Variants in MEIKIN observed in about 807,000 individuals in gnomAD.
The protein encoded by MEIKIN is meiosis-specific kinetochore protein.
intron 9 of MEIKIN, among the ~76,000 whole-genome samples, chr5:131,860,825 A>C (rs1360661598): frequency 1.6e-5 from 2 of 126,904 alleles, no homozygotes; most frequent in Admixed American, 9.9e-5. Context: ...GCAGTGGCAC[A>C]ATCTTGGCTC....
At chr5:131,846,464 G>A (rs1163847906) in intron 11 of MEIKIN, among the ~76,000 whole-genome samples, 2 of 152,058 alleles carry the variant, frequency 1.3e-5, no homozygotes, top group African/African-American at 4.8e-5. Flanking sequence ...AATAATTATT[G>A]GTATAAGAGC....
chr5:131,906,825 T>C (rs10057720), intron 8 of MEIKIN, among the ~76,000 whole-genome samples: 1,853 of 152,180 alleles, frequency 0.012, 44 homozygotes, highest in African/African-American at 0.041. Context: ...TGGGTATATA[T>C]GGACAGAAAG....
At chr5:131,856,834 A>G (rs953432738) in intron 9 of MEIKIN, among the ~76,000 whole-genome samples, 10 of 151,604 alleles carry the variant, frequency 6.6e-5, no homozygotes, top group African/African-American at 2.4e-4. Flanking sequence ...ACATATTTAT[A>G]GTCTTTTCAA....
intron 9 of MEIKIN, 85 bp downstream of exon 9, chr5:131,878,891 AAG>A (rs1750657742): frequency 2.6e-6 from 1 of 388,198 alleles, no homozygotes; most frequent in Non-Finnish European, 4.5e-6. Context: ...AAAAAAAAAA[AAG>A]TAAATTTAAA....
intron 6 of MEIKIN, among the ~76,000 whole-genome samples, chr5:131,918,493 C>T (rs1751450277): frequency 6.6e-6 from 1 of 152,160 alleles, no homozygotes. Flanking sequence ...ATATGGCCAT[C>T]CAGACAGCTA....
chr5:131,851,977 G>T lies in MEIKIN; in HGVS notation c.856-594C>A, dbSNP rs946732653. On this transcript the variant is annotated intron_variant, in intron 10 of 12. Transcript: ENST00000442687. ...ATATAGTTAAGACAACTGAAAACAT[G>T]TTTAACAAACACTTGTCAACAAATG... Among the ~76,000 whole-genome samples the T allele has an allele frequency of 3.3e-5, 5 of 152,202 alleles. No individual in the cohort carries two copies. In the South Asian group the frequency reaches 1.0e-3, roughly 32 times the overall value.
At chr5:131,917,176 G>C (rs971828629) in intron 6 of MEIKIN, among the ~76,000 whole-genome samples, 2 of 152,094 alleles carry the variant, frequency 1.3e-5, no homozygotes, top group African/African-American at 4.8e-5. Flanking sequence ...GTCTTTTCAC[G>C]TGTATTATCT....
At chr5:131,869,194 T>G (rs1485307507) in intron 9 of MEIKIN, among the ~76,000 whole-genome samples, 1 of 152,226 alleles carries the variant, frequency 6.6e-6, no homozygotes, top group Non-Finnish European at 1.5e-5. Flanking sequence ...GTTTTTGCAT[T>G]TGGGGGTCCA....
At chr5:131,826,100 T>G (rs1408291753) in intron 11 of MEIKIN, among the ~76,000 whole-genome samples, 1 of 149,922 alleles carries the variant, frequency 6.7e-6, no homozygotes, top group Admixed American at 6.6e-5. Flanking sequence ...TTTTTTTTTT[T>G]TTTTTTACTA....
rs904698085 is a variant in MEIKIN, at chr5:131,921,807, G to A, written c.598+15C>T. 3.0e-5 allele frequency: 12 copies of A among 398,842 alleles called. No individual in the cohort carries two copies. The Admixed American group carries it at 4.4e-4, about 15-fold the overall frequency. 24.7% of individuals were successfully genotyped at this position (398,842 alleles called of 1,614,324 possible). On this transcript the variant is annotated intron_variant, in intron 6 of 12. Coordinates refer to ENST00000442687, the MANE Select transcript of MEIKIN (RefSeq NM_001303622.2). The stretch of plus-strand genomic sequence containing the variant: ...CAACATAGATGAGAAATGTTCCCCT[G>A]TGTGTGCAACTCACTGAAAATTGCT...
intron 12 of MEIKIN, among the ~76,000 whole-genome samples, chr5:131,815,027 C>T (rs1044613802): frequency 6.6e-6 from 1 of 152,158 alleles, no homozygotes; most frequent in Non-Finnish European, 1.5e-5. Context: ...GCATTTTGTT[C>T]TTACTAGAAC....
intron 9 of MEIKIN, among the ~76,000 whole-genome samples, chr5:131,874,467 A>G (rs1750572548): frequency 6.6e-6 from 1 of 152,280 alleles, no homozygotes; most frequent in Non-Finnish European, 1.5e-5. Context: ...ATCTCTGAAT[A>G]GACGAATAAC....
intron 5 of MEIKIN, among the ~76,000 whole-genome samples, chr5:131,927,340 A>G (rs1580910960): frequency 6.6e-6 from 1 of 152,272 alleles, no homozygotes; most frequent in Non-Finnish European, 1.5e-5. Context: ...GATACTTGGT[A>G]TGTTTTCAGT....
rs188543702 is a variant in MEIKIN, at chr5:131,887,328, T to C, written c.704-8280A>G. ...GTGTGCATGTGTCTTTATAGTAGCA[T>C]GATTTATAACCCTTTGGGTATATAC... is the stretch of plus-strand genomic sequence containing the variant. On this transcript the variant is annotated intron_variant, in intron 8 of 12. Coordinates refer to ENST00000442687, the MANE Select transcript of MEIKIN (RefSeq NM_001303622.2). 1.5e-3 allele frequency among the ~76,000 whole-genome samples: 224 copies of C among 152,320 alleles called. 1 individual carries two copies. Among genetic ancestry groups the C allele is most frequent in the African/African-American group, 5.2e-3 (215 of 41,572 alleles).
chr5:131,857,687 C>T (rs1750218881), intron 9 of MEIKIN, among the ~76,000 whole-genome samples: 1 of 152,202 alleles, frequency 6.6e-6, no homozygotes, highest in Admixed American at 6.5e-5. Context: ...TACCTACAGC[C>T]TCCACTCCCT....
intron 4 of MEIKIN, among the ~76,000 whole-genome samples, chr5:131,933,860 T>C (rs557743243): frequency 1.3e-3 from 195 of 152,318 alleles, no homozygotes; most frequent in Admixed American, 3.3e-3. Context: ...TTTGTTATAA[T>C]CCCCTTTTGT....
intron 5 of MEIKIN, among the ~76,000 whole-genome samples, chr5:131,933,240 C>T (rs1204932437): frequency 6.6e-6 from 1 of 152,154 alleles, no homozygotes. Flanking sequence ...AACAAGTATA[C>T]ATTCATTAGG....
chr5:131,810,044 A>C (rs73788770), intron 12 of MEIKIN, among the ~76,000 whole-genome samples: 4,036 of 152,266 alleles, frequency 0.027, 187 homozygotes, highest in African/African-American at 0.092. Context: ...AAAATTCAGA[A>C]AGTTTAAGGA....
chr5:131,831,856 G>T (rs542915631), intron 11 of MEIKIN, among the ~76,000 whole-genome samples: 1 of 152,136 alleles, frequency 6.6e-6, no homozygotes, highest in Non-Finnish European at 1.5e-5. Context: ...CAGATCTTGT[G>T]AGGCTTATTC....
Sources: gnomAD v4.1 joint callset for allele counts (sites outside exome capture counted in the v4.1 genomes callset) on GRCh38, gnomAD v4.1.1 for gene constraint, MANE v1.5 for transcripts, NCBI Gene and HGNC (gene_info 2026-07-23, HGNC 2026-07-21) for gene names.